Variants in LRRC3B observed in about 807,000 individuals in gnomAD.
LRRC3B encodes leucine-rich repeat-containing protein 3B.
A neutral mutation model predicts 12.8 loss-of-function variants in LRRC3B; 2 were observed. That is an observed-to-expected ratio of 0.16 (90% CI 0.06 to 0.49). The LOEUF is 0.49. Ranked by LOEUF, LRRC3B falls within the 20% of genes least tolerant of loss-of-function variation. LRRC3B has a pLI of 0.96. For synonymous variants in LRRC3B, 132 were observed against 122.0 expected, an observed-to-expected ratio of 1.08 and a Z score of -0.54; for missense variants, 189 against 319.4, an observed-to-expected ratio of 0.59 and a Z score of 3.11.
At chr3:26,710,581 A>T (rs1219426509) in exon 2 of LRRC3B, 2 of 948,228 alleles carry the variant, frequency 2.1e-6, no homozygotes, top group Non-Finnish European at 3.1e-6. Context: ...GAATTATGCC[A>T]CTGCTGAACT....
chr3:26,685,532 TA>T (rs1700066945), intron 1 of LRRC3B, among the ~76,000 whole-genome samples: 1 of 44,970 alleles, frequency 2.2e-5, no homozygotes, highest in Non-Finnish European at 5.4e-5. Flanking sequence ...TCTATATATA[TA>T]TATATATATA....
chr3:26,643,362 CATAT>C (rs1699074979), intron 1 of LRRC3B, among the ~76,000 whole-genome samples: 1 of 151,888 alleles, frequency 6.6e-6, no homozygotes, highest in Non-Finnish European at 1.5e-5. Context: ...TGTATGTACA[CATAT>C]ATATGTGTCT....
intron 1 of LRRC3B, among the ~76,000 whole-genome samples, chr3:26,685,615 G>GTA (rs768001958): frequency 0.12 from 13,859 of 119,866 alleles, 1,409 homozygotes; most frequent in African/African-American, 0.27. Context: ...ATGTGTGTGT[G>GTA]TATATATATA....
intron 1 of LRRC3B, among the ~76,000 whole-genome samples, chr3:26,626,357 G>A (rs1021761588): frequency 6.6e-6 from 1 of 152,190 alleles, no homozygotes; most frequent in African/African-American, 2.4e-5. Flanking sequence ...GCAGTTTTAT[G>A]TAGCAGTTGT....
intron 1 of LRRC3B, among the ~76,000 whole-genome samples, chr3:26,647,357 C>CCA (rs1559354146): frequency 2.6e-5 from 4 of 152,030 alleles, no homozygotes; most frequent in Non-Finnish European, 4.4e-5. Context: ...GAGCAGAGAC[C>CCA]GTAGCTTTTG....
intron 1 of LRRC3B, among the ~76,000 whole-genome samples, chr3:26,683,716 T>C (rs772975578): frequency 2.0e-5 from 3 of 152,210 alleles, no homozygotes; most frequent in Admixed American, 6.5e-5. Context: ...TTCAGCCCAT[T>C]AGTTATCAAT....
chr3:26,640,524 C>CA (rs1699008606), intron 1 of LRRC3B, among the ~76,000 whole-genome samples: 1 of 152,012 alleles, frequency 6.6e-6, no homozygotes, highest in African/African-American at 2.4e-5. Flanking sequence ...TTGCTAATCC[C>CA]AGCCTTTCTC....
chr3:26,640,776 G>A (rs1045327276), intron 1 of LRRC3B, among the ~76,000 whole-genome samples: 2 of 152,136 alleles, frequency 1.3e-5, no homozygotes, highest in Admixed American at 6.5e-5. Context: ...AGGACATGGA[G>A]AGCACAAGAG....
At chr3:26,630,083 A>T (rs1180607972) in intron 1 of LRRC3B, among the ~76,000 whole-genome samples, 1 of 152,200 alleles carries the variant, frequency 6.6e-6, no homozygotes, top group Non-Finnish European at 1.5e-5. Context: ...GGGAAAAAAA[A>T]ATCCCATAAG....
At chr3:26,633,073 T>C (rs1201975537) in intron 1 of LRRC3B, among the ~76,000 whole-genome samples, 1 of 152,146 alleles carries the variant, frequency 6.6e-6, no homozygotes, top group Non-Finnish European at 1.5e-5. Flanking sequence ...AGACTTGATG[T>C]TCCTGCAACA....
rs73059389 is a variant in LRRC3B at position 26,710,573 on chromosome 3, A to G, written c.*121A>G. On this transcript the variant is annotated 3_prime_UTR_variant, in exon 2 of 2. Coordinates refer to ENST00000396641, the Ensembl canonical transcript of LRRC3B. ...AACTTTGTATTTCAGTTTCTTTTGAATTATGCCACTGCTGAACTTTTAACA... is the reference window on the plus strand; with the variant it reads ...AACTTTGTATTTCAGTTTCTTTTGAGTTATGCCACTGCTGAACTTTTAACA... 6.2e-3 allele frequency: 6,341 copies of G among 1,023,534 alleles called. 28 individuals are homozygous for G. The highest frequency in any genetic ancestry group is 6.9e-3 in the Non-Finnish European group (4,922 of 717,766). 63.4% of individuals were successfully genotyped at this position (1,023,534 alleles called of 1,614,324 possible).
chr3:26,689,601 T>C (rs1415795605), intron 1 of LRRC3B, among the ~76,000 whole-genome samples: 1 of 152,222 alleles, frequency 6.6e-6, no homozygotes, highest in Non-Finnish European at 1.5e-5. Flanking sequence ...CGGTAATTAG[T>C]GGCTCACCCT....
chr3:26,639,191 A>G (rs2125406447), intron 1 of LRRC3B, among the ~76,000 whole-genome samples: 1 of 152,346 alleles, frequency 6.6e-6, no homozygotes, highest in Admixed American at 6.5e-5. Context: ...TAAACATGTA[A>G]AAAGAAAAAG....
At chr3:26,708,109 T>C (rs1416095565) in intron 1 of LRRC3B, among the ~76,000 whole-genome samples, 1 of 152,216 alleles carries the variant, frequency 6.6e-6, no homozygotes, top group Non-Finnish European at 1.5e-5. Flanking sequence ...TTTATCCATC[T>C]GGGATCTTCA....
intron 1 of LRRC3B, among the ~76,000 whole-genome samples, chr3:26,691,621 A>G (rs1303740279): frequency 2.6e-5 from 4 of 152,186 alleles, no homozygotes; most frequent in South Asian, 2.1e-4. Context: ...GTCTTAGGTC[A>G]TTAGTCTGGA....
intron 1 of LRRC3B, among the ~76,000 whole-genome samples, chr3:26,699,353 G>T (rs1177305627): frequency 6.6e-6 from 1 of 152,080 alleles, no homozygotes; most frequent in Non-Finnish European, 1.5e-5. Context: ...TTGTCTCCTT[G>T]TAACTGTGAG....
intron 1 of LRRC3B, among the ~76,000 whole-genome samples, chr3:26,674,521 A>G (rs529759513): frequency 6.6e-6 from 1 of 152,312 alleles, no homozygotes; most frequent in African/African-American, 2.4e-5. Flanking sequence ...ATATATTTCA[A>G]AACAAGTTTT....
chr3:26,623,087 C>G (rs544960518), exon 1 of LRRC3B: 1,543 of 152,284 alleles, frequency 0.01, 8 homozygotes, highest in Non-Finnish European at 0.017. Context: ...CGGGCCGGCC[C>G]GGTCCCAGGT....
At chr3:26,710,488 T>A (rs760146686) in exon 2 of LRRC3B, 1 of 1,509,848 alleles carries the variant, frequency 6.6e-7, no homozygotes, top group East Asian at 2.3e-5. Flanking sequence ...AGAAAGAAAG[T>A]AGTTTGCGAT....
Sources: gnomAD v4.1 joint callset for allele counts (sites outside exome capture counted in the v4.1 genomes callset) on GRCh38, gnomAD v4.1.1 for gene constraint, MANE v1.5 for transcripts, NCBI Gene and HGNC (gene_info 2026-07-23, HGNC 2026-07-21) for gene names.